SIK2: variants seen among roughly 807,000 people sequenced by gnomAD.
SIK2 encodes the protein serine/threonine-protein kinase SIK2.
Under a neutral mutation model 103.2 loss-of-function variants are expected in SIK2, and 29 were observed. The ratio of observed to expected loss-of-function variants is 0.28; its 90% CI spans 0.21 to 0.38. The LOEUF (loss-of-function observed/expected upper bound fraction) is 0.38. Ranked by LOEUF, SIK2 falls within the 10% of genes least tolerant of loss-of-function variation. The pLI is 1.00. For missense variants in SIK2, 879 were observed against 1,171.0 expected (o/e 0.75, Z 3.64); for synonymous variants, 412 against 446.1 (o/e 0.92, Z 0.96).
intron 12 of SIK2, among the ~76,000 whole-genome samples, chr11:111,721,464 C>G (rs746796195): frequency 1.3e-5 from 2 of 152,174 alleles, no homozygotes; most frequent in East Asian, 3.8e-4. Flanking sequence ...GTAAATACTA[C>G]AAGTGGATTA....
At chr11:111,706,019 G>A (rs1329272413) in intron 8 of SIK2, among the ~76,000 whole-genome samples, 3 of 152,192 alleles carry the variant, frequency 2.0e-5, no homozygotes, top group Non-Finnish European at 4.4e-5. Context: ...GCTCAGTGTG[G>A]TGGTTAGAAG....
intron 3 of SIK2, chr11:111,672,209 C>T: frequency 7.6e-6 from 3 of 395,128 alleles, no homozygotes; most frequent in South Asian, 7.0e-5. Flanking sequence ...CCCCCCCATA[C>T]CACTGGCCTC....
rs148704266 is a variant in SIK2, at chr11:111,712,240, G to A, written c.1131G>A (p.Met377Ile). The A allele has an allele frequency of 5.6e-6, 9 of 1,614,076 alleles. No individual in the cohort carries two copies. Among genetic ancestry groups the A allele is most frequent in the Admixed American group, 3.3e-5 (2 of 59,996 alleles). ...KAQTVGLPVT[M>I]HSPNMRLLRS... Reference sequence around the variant, plus strand: ...AGACTGTGGGGCTCCCAGTGACCATGCATTCACCGAACATGAGGCTGCTGC... The same window carrying A: ...AGACTGTGGGGCTCCCAGTGACCATACATTCACCGAACATGAGGCTGCTGC... The change falls in exon 9 of 15, where the codon ATG (methionine) becomes ATA (isoleucine). Residue 377 changes from methionine to isoleucine, a missense_variant. Physicochemically the swap from Met to Ile is conservative, Grantham distance 10 (BLOSUM62 1). Transcript: ENST00000304987.
intron 7 of SIK2, among the ~76,000 whole-genome samples, chr11:111,703,989 A>G (rs1437571042): frequency 6.6e-6 from 1 of 152,240 alleles, no homozygotes; most frequent in East Asian, 1.9e-4. Context: ...TATAGGATAT[A>G]CGTATTTCTA....
Position 111,723,792 on chromosome 11 carries a change from C to T in SIK2, c.2444C>T (p.Pro815Leu). 1.9e-6 allele frequency: 3 copies of T among 1,613,956 alleles called. No homozygotes were observed. Among genetic ancestry groups the T allele is most frequent in the Non-Finnish European group, 2.5e-6 (3 of 1,180,048 alleles). The change falls in exon 15 of 15, where the codon CCC becomes CTC. Residue 815 changes from proline to leucine, a missense_variant. Coordinates refer to ENST00000304987, the MANE Select transcript of SIK2 (RefSeq NM_015191.3). ...GGTCCCCGGGCTGCTCCTCCTCTGC[C>T]CACGCAGCTACAGCAGCAGCAGCCG... Reference protein sequence around the residue: ...TSGPRAAPPLPTQLQQQQPPP... With the variant: ...TSGPRAAPPLLTQLQQQQPPP...
chr11:111,626,410 C>G (rs1411289270), intron 3 of SIK2, among the ~76,000 whole-genome samples: 1 of 150,664 alleles, frequency 6.6e-6, no homozygotes, highest in Non-Finnish European at 1.5e-5. Context: ...TCTCTCTTTT[C>G]CCTTACTTGG....
chr11:111,650,597 C>G (rs1565331890), intron 3 of SIK2, among the ~76,000 whole-genome samples: 1 of 152,054 alleles, frequency 6.6e-6, no homozygotes, highest in African/African-American at 2.4e-5. Flanking sequence ...AATATATAAA[C>G]ATTTTTTTGA....
chr11:111,662,701 A>G (rs981034725), intron 3 of SIK2, among the ~76,000 whole-genome samples: 1 of 151,854 alleles, frequency 6.6e-6, no homozygotes, highest in African/African-American at 2.4e-5. Context: ...ACATGGCGAT[A>G]CCCTGTCTCT....
chr11:111,642,958 T>C (rs1942204461), intron 3 of SIK2, among the ~76,000 whole-genome samples: 1 of 148,668 alleles, frequency 6.7e-6, no homozygotes, highest in African/African-American at 2.5e-5. Flanking sequence ...CCCTCACCCT[T>C]ATTTTCACCA....
intron 9 of SIK2, among the ~76,000 whole-genome samples, chr11:111,715,104 C>T (rs1943602576): frequency 6.6e-6 from 1 of 152,196 alleles, no homozygotes; most frequent in Non-Finnish European, 1.5e-5. Context: ...AAGATATAGA[C>T]AGGAGCTAGA....
At chr11:111,669,800 C>T (rs1233706982) in intron 3 of SIK2, among the ~76,000 whole-genome samples, 1 of 152,248 alleles carries the variant, frequency 6.6e-6, no homozygotes, top group East Asian at 1.9e-4. Flanking sequence ...TAACCCCCTC[C>T]CATCCTCTCT....
chr11:111,641,155 T>C (rs182416587), intron 3 of SIK2, among the ~76,000 whole-genome samples: 1 of 152,318 alleles, frequency 6.6e-6, no homozygotes, highest in Non-Finnish European at 1.5e-5. Context: ...TTTTCCTACT[T>C]TTAAGACCAT....
chr11:111,718,599 G>A (rs1202870930), intron 9 of SIK2: 1 of 152,220 alleles, frequency 6.6e-6, no homozygotes, highest in East Asian at 1.9e-4. Context: ...AGTCACCCTA[G>A]TCTCCTTCTC....
At position 111,602,686 on chromosome 11, in the gene SIK2, C is replaced by T. The variant is rs1941599570; in HGVS notation, c.123C>T (p.Ile41=). 6.6e-7 allele frequency: 1 copy of T among 1,521,706 alleles called. No individual in the cohort carries two copies. Among genetic ancestry groups the T allele is most frequent in the Admixed American group, 2.1e-5 (1 of 48,326 alleles). The allele number at this position is 1,521,706 out of a possible 1,614,324, so 94.3% of individuals were successfully genotyped here. ...TGGTGAAGCTGGGGCGGCACCGGAT[C>T]ACCAAGACGGAGGTGCGGCCCGGGG... ...FAVVKLGRHR[I]TKTEVAIKII... Residue 41 remains isoleucine (I), a synonymous_variant, in exon 1 of 15, where the codon ATC becomes ATT. Transcript: ENST00000304987. This position sits in a 1 kb window ranked among gnomAD's most constrained non-coding sequence, Gnocchi z 4.5.
At chr11:111,658,929 C>T (rs1942431240) in intron 3 of SIK2, among the ~76,000 whole-genome samples, 2 of 152,002 alleles carry the variant, frequency 1.3e-5, no homozygotes, top group South Asian at 4.2e-4. Flanking sequence ...AAATGCAGAG[C>T]CCGGCATTCT....
chr11:111,715,686 G>A (rs1943618852), intron 9 of SIK2, among the ~76,000 whole-genome samples: 1 of 152,100 alleles, frequency 6.6e-6, no homozygotes, highest in African/African-American at 2.4e-5. Context: ...GGGGCCATAT[G>A]GGAGGGCAGA....
intron 3 of SIK2, among the ~76,000 whole-genome samples, chr11:111,646,787 C>T (rs562530565): frequency 3.3e-5 from 5 of 152,282 alleles, no homozygotes; most frequent in Non-Finnish European, 7.4e-5. Context: ...ATGCTTGTAT[C>T]TGTGATTCAT....
intron 3 of SIK2, among the ~76,000 whole-genome samples, chr11:111,665,747 AC>A (rs1370250083): frequency 6.6e-6 from 1 of 151,788 alleles, no homozygotes; most frequent in Non-Finnish European, 1.5e-5. Context: ...AATCACTTGA[AC>A]CCGGGAGGCA....
chr11:111,692,413 A>G (rs1469384753), intron 4 of SIK2, among the ~76,000 whole-genome samples: 4 of 143,034 alleles, frequency 2.8e-5, no homozygotes, highest in Non-Finnish European at 4.6e-5. Context: ...AGGGAGAGAG[A>G]GAGATAGAGA....
Sources: gnomAD v4.1 joint callset for allele counts (sites outside exome capture counted in the v4.1 genomes callset) on GRCh38, gnomAD v4.1.1 for gene constraint, Gnocchi (gnomAD v3.1) non-coding constraint, MANE v1.5 for transcripts, NCBI Gene and HGNC (gene_info 2026-07-23, HGNC 2026-07-21) for gene names.